Variants in SLC7A1 observed in about 807,000 individuals in gnomAD.
SLC7A1 encodes the protein solute carrier family 7 member 1.
In SLC7A1, 10 loss-of-function variants were observed where a neutral mutation model predicts 53.9. That is an observed-to-expected ratio of 0.19 (90% CI 0.11 to 0.31). SLC7A1 has a LOEUF of 0.31. SLC7A1 is among the 10% of genes least tolerant of loss of function. SLC7A1 has a pLI of 1.00. For synonymous variants in SLC7A1, 342 were observed against 338.7 expected, an observed-to-expected ratio of 1.01 and a Z score of -0.11; for missense variants, 525 against 827.2, an observed-to-expected ratio of 0.63 and a Z score of 4.48.
Position 29,535,853 on chromosome 13 carries a change from G to A in SLC7A1, c.336C>T (p.Ile112=), listed in dbSNP as rs143823773. The A allele has an allele frequency of 1.7e-4, 267 of 1,614,180 alleles. 1 individual carries two copies. In the East Asian group the frequency reaches 5.8e-3, roughly 35 times the overall value. Residue 112 remains isoleucine (I), a synonymous_variant, in exon 3 of 13, where the codon ATC becomes ATT. Transcript: ENST00000380752. ...AGGAGAGGATTAAGTTCCAGCCGGT[G>A]ATGAAGGCCCAGAGCTCTCCAACGG... is the stretch of plus-strand genomic sequence containing the variant. ...YVTVGELWAF[I]TGWNLILSYI...
chr13:29,546,845 G>T (rs1161057827), intron 2 of SLC7A1, among the ~76,000 whole-genome samples: 1 of 152,194 alleles, frequency 6.6e-6, no homozygotes, highest in Non-Finnish European at 1.5e-5. Flanking sequence ...GGGCCTGCTA[G>T]AAACAGCCAA....
chr13:29,585,604 T>C (rs1394457634), intron 1 of SLC7A1, among the ~76,000 whole-genome samples: 2 of 152,136 alleles, frequency 1.3e-5, no homozygotes, highest in Non-Finnish European at 2.9e-5. Flanking sequence ...TGAGTACCAG[T>C]GTGTGCGGGT....
chr13:29,560,275 G>A (rs981223321), intron 1 of SLC7A1, among the ~76,000 whole-genome samples: 1 of 151,858 alleles, frequency 6.6e-6, no homozygotes, highest in Admixed American at 6.6e-5. Context: ...GGTCTTCAGG[G>A]GCAGGAACAC....
chr13:29,532,759 A>C, intron 4 of SLC7A1, 65 bp downstream of exon 4: 1 of 1,412,432 alleles, frequency 7.1e-7, no homozygotes, highest in Non-Finnish European at 9.7e-7. Context: ...GGAACTTAAC[A>C]GGAGCCTCTC....
At chr13:29,566,848 C>G (rs140018718) in intron 1 of SLC7A1, among the ~76,000 whole-genome samples, 1 of 152,338 alleles carries the variant, frequency 6.6e-6, no homozygotes, top group East Asian at 1.9e-4. Context: ...CTAACCATGA[C>G]AGGCAGATTT....
At chr13:29,534,326 G>A (rs1421277864) in intron 3 of SLC7A1, among the ~76,000 whole-genome samples, 1 of 152,226 alleles carries the variant, frequency 6.6e-6, no homozygotes, top group Non-Finnish European at 1.5e-5. Context: ...TCTAGAAGCT[G>A]CAAGCATTTC....
intron 1 of SLC7A1, among the ~76,000 whole-genome samples, chr13:29,592,146 C>G (rs1872136363): frequency 6.6e-6 from 1 of 152,212 alleles, no homozygotes; most frequent in South Asian, 2.1e-4. Flanking sequence ...CGTTTCAGGG[C>G]AGATAATCAT....
chr13:29,592,788 G>A (rs1471574725), intron 1 of SLC7A1, among the ~76,000 whole-genome samples: 2 of 152,128 alleles, frequency 1.3e-5, no homozygotes, highest in Admixed American at 1.3e-4. Flanking sequence ...GTTGGCCAGG[G>A]ATCTGATGCC....
At chr13:29,519,692 A>G in intron 8 of SLC7A1, 143 bp from the exon 9 acceptor site, 1 of 571,750 alleles carries the variant, frequency 1.7e-6, no homozygotes. Context: ...ATGGAAAGAC[A>G]CAGCTTAAAG....
At chr13:29,532,648 TAAG>T (rs1209237303) in intron 4 of SLC7A1, among the ~76,000 whole-genome samples, 173 bp downstream of exon 4, 2 of 152,072 alleles carry the variant, frequency 1.3e-5, no homozygotes, top group African/African-American at 4.8e-5. Flanking sequence ...TCTGAATCTA[TAAG>T]AAGCAATGAA....
Position 29,517,318 on chromosome 13 carries a change from G to A in SLC7A1, c.1511-8C>T, listed in dbSNP as rs373763494. ...AGGTGATGATGAGAACAGCTAAGGGGGAAGGAAAAGACAGCAAGCTGCAAC... is the reference window on the plus strand; with the variant it reads ...AGGTGATGATGAGAACAGCTAAGGGAGAAGGAAAAGACAGCAAGCTGCAAC... On this transcript the variant is annotated splice_polypyrimidine_tract_variant and splice_region_variant and intron_variant, in intron 10 of 12. Transcript: ENST00000380752. 1 of 1,602,176 alleles carries A rather than the reference G, an allele frequency of 6.2e-7. No individual in the cohort carries two copies. Among genetic ancestry groups the A allele is most frequent in the Non-Finnish European group, 8.5e-7 (1 of 1,174,082 alleles).
In SLC7A1 at chr13:29,528,172, G is replaced by A. The variant is rs904391439; in HGVS notation, c.704+2366C>T. ...CAAGCTGGACTGACCAACCCCAGAG[G>A]TTAACCAAAGAAAACCAAAGCCTTA... is the stretch of plus-strand genomic sequence containing the variant. On this transcript the variant is annotated intron_variant, in intron 5 of 12. Transcript: ENST00000380752. Among the ~76,000 whole-genome samples, 7 of 152,352 alleles carry A rather than the reference G, an allele frequency of 4.6e-5. No homozygotes were observed. The East Asian group carries it at 1.2e-3, about 25-fold the overall frequency.
At chr13:29,586,250 T>A (rs539112681) in intron 1 of SLC7A1, among the ~76,000 whole-genome samples, 33 of 152,292 alleles carry the variant, frequency 2.2e-4, no homozygotes, top group Non-Finnish European at 3.2e-4. Flanking sequence ...CAACAGAAAC[T>A]TAAAATAATA....
At chr13:29,561,537 AC>A (rs1468145855) in intron 1 of SLC7A1, among the ~76,000 whole-genome samples, 4 of 152,196 alleles carry the variant, frequency 2.6e-5, no homozygotes, top group Non-Finnish European at 5.9e-5. Flanking sequence ...GAAAAGGCAA[AC>A]TACAATTAGT....
At chr13:29,516,107 T>A (rs749273069) in intron 12 of SLC7A1, 31 bp downstream of exon 12, 9 of 1,411,328 alleles carry the variant, frequency 6.4e-6, no homozygotes, top group Non-Finnish European at 1.0e-6. Context: ...GAAGCCAGGA[T>A]CTTGGACGTG....
intron 5 of SLC7A1, among the ~76,000 whole-genome samples, chr13:29,525,457 A>G (rs1021896432): frequency 1.3e-5 from 2 of 152,198 alleles, no homozygotes; most frequent in African/African-American, 4.8e-5. Flanking sequence ...GGATGCTCCC[A>G]GTCCTATAAA....
chr13:29,519,394 G>C, intron 9 of SLC7A1, 53 bp downstream of exon 9: 1 of 1,041,066 alleles, frequency 9.6e-7, no homozygotes, highest in Non-Finnish European at 1.5e-6. Flanking sequence ...CTGTGAAAAG[G>C]CTACCAGGTG....
At chr13:29,526,216 C>G (rs757254224) in intron 5 of SLC7A1, among the ~76,000 whole-genome samples, 1 of 152,164 alleles carries the variant, frequency 6.6e-6, no homozygotes, top group Non-Finnish European at 1.5e-5. Context: ...AAATGCATGC[C>G]CACTATGGGA....
intron 1 of SLC7A1, among the ~76,000 whole-genome samples, chr13:29,590,640 A>C (rs1347681015): frequency 6.6e-6 from 1 of 152,102 alleles, no homozygotes; most frequent in Non-Finnish European, 1.5e-5. Flanking sequence ...CAGACCTGGG[A>C]CCAGATGGGA....
Sources: allele counts gnomAD v4.1 joint callset (sites outside exome capture counted in the v4.1 genomes callset), GRCh38; gene constraint gnomAD v4.1.1; transcripts MANE v1.5; gene names NCBI Gene and HGNC (gene_info 2026-07-23, HGNC 2026-07-21).